Variants in ZFPM2 observed in about 807,000 individuals in gnomAD.
ZFPM2 encodes the protein zinc finger protein, FOG family member 2.
A neutral mutation model predicts 98.6 loss-of-function variants in ZFPM2; 20 were observed. That is an observed-to-expected ratio of 0.20 (90% CI 0.14 to 0.29). The LOEUF (loss-of-function observed/expected upper bound fraction) is 0.29. Ranked by LOEUF, ZFPM2 falls within the 10% of genes least tolerant of loss-of-function variation. ZFPM2 has a pLI of 1.00. For missense variants in ZFPM2, 1,310 were observed against 1,388.6 expected (o/e 0.94, Z 0.90); for synonymous variants, 518 against 502.7 (o/e 1.03, Z -0.41).
intron 4 of ZFPM2, among the ~76,000 whole-genome samples, chr8:105,626,931 A>ACTTCTT (rs1208198493): frequency 1.0e-5 from 1 of 96,726 alleles, no homozygotes; most frequent in African/African-American, 3.6e-5. Flanking sequence ...ATCAAATAAC[A>ACTTCTT]CTTCTGTTAA....
chr8:105,504,616 A>G (rs1376053929), intron 3 of ZFPM2, among the ~76,000 whole-genome samples: 1 of 152,238 alleles, frequency 6.6e-6, no homozygotes, highest in African/African-American at 2.4e-5. Context: ...ATGTGGCTAT[A>G]ACATGCAGAC....
intron 2 of ZFPM2, among the ~76,000 whole-genome samples, chr8:105,422,818 A>G (rs1811830906): frequency 6.6e-6 from 1 of 152,228 alleles, no homozygotes; most frequent in Non-Finnish European, 1.5e-5. Flanking sequence ...GTCATATTTT[A>G]GCAACTGCAT....
At chr8:105,422,482 A>G (rs577854362) in intron 2 of ZFPM2, among the ~76,000 whole-genome samples, 1 of 152,238 alleles carries the variant, frequency 6.6e-6, no homozygotes, top group South Asian at 2.1e-4. Flanking sequence ...GGGTTCATTA[A>G]TGAAACTTTT....
At chr8:105,635,087 TC>T (rs1216675285) in intron 5 of ZFPM2, among the ~76,000 whole-genome samples, 3 of 152,198 alleles carry the variant, frequency 2.0e-5, no homozygotes, top group Non-Finnish European at 4.4e-5. Context: ...CAAGTCTTGG[TC>T]CTAGCTCTGT....
chr8:105,340,155 CTCTA>C (rs1206571050), intron 1 of ZFPM2, among the ~76,000 whole-genome samples: 1 of 151,796 alleles, frequency 6.6e-6, no homozygotes, highest in African/African-American at 2.4e-5. Context: ...TGAGAAACAC[CTCTA>C]GCCTTTTAGA....
chr8:105,530,088 A>C (rs1814263811), intron 3 of ZFPM2, among the ~76,000 whole-genome samples: 1 of 152,160 alleles, frequency 6.6e-6, no homozygotes, highest in South Asian at 2.1e-4. Context: ...ACATTCTTAA[A>C]TCTGATTAAA....
intron 5 of ZFPM2, among the ~76,000 whole-genome samples, chr8:105,732,980 T>C (rs1406765408): frequency 1.3e-5 from 2 of 151,874 alleles, no homozygotes; most frequent in African/African-American, 2.4e-5. Context: ...GAATATAAAA[T>C]AAAGATGTAA....
intron 7 of ZFPM2, among the ~76,000 whole-genome samples, chr8:105,799,990 T>TATAG (rs1380997513): frequency 9.2e-5 from 14 of 152,162 alleles, no homozygotes; most frequent in Non-Finnish European, 1.9e-4. Flanking sequence ...GCTATCTTCA[T>TATAG]ATAGATAATA....
chr8:105,349,401 G>A (rs1269679858), intron 1 of ZFPM2, among the ~76,000 whole-genome samples: 1 of 152,090 alleles, frequency 6.6e-6, no homozygotes, highest in African/African-American at 2.4e-5. Flanking sequence ...CAAAGAAAGT[G>A]ACAACAAAAC....
intron 1 of ZFPM2, among the ~76,000 whole-genome samples, chr8:105,365,067 C>T (rs1007121126): frequency 2.0e-5 from 3 of 152,158 alleles, no homozygotes; most frequent in African/African-American, 7.2e-5. Flanking sequence ...ATAAGACCAG[C>T]TTGGTTCATA....
intron 5 of ZFPM2, among the ~76,000 whole-genome samples, chr8:105,688,816 A>G (rs555003738): frequency 8.7e-4 from 132 of 152,292 alleles, no homozygotes; most frequent in African/African-American, 3.0e-3. Flanking sequence ...TCTATCATGT[A>G]CTTAGCAAAT....
chr8:105,603,290 G>A (rs1816130698), intron 4 of ZFPM2, among the ~76,000 whole-genome samples: 1 of 152,048 alleles, frequency 6.6e-6, no homozygotes, highest in African/African-American at 2.4e-5. Flanking sequence ...ATACTCAAAT[G>A]TTTCGTCGCT....
chr8:105,509,409 A>G (rs1417223677), intron 3 of ZFPM2, among the ~76,000 whole-genome samples: 1 of 151,984 alleles, frequency 6.6e-6, no homozygotes, highest in Non-Finnish European at 1.5e-5. Flanking sequence ...GTAGCTGTTG[A>G]CCTTTCACCC....
At chr8:105,529,253 T>C (rs559261434) in intron 3 of ZFPM2, among the ~76,000 whole-genome samples, 1 of 152,202 alleles carries the variant, frequency 6.6e-6, no homozygotes, top group East Asian at 1.9e-4. Context: ...AGATATTACT[T>C]GATTTTACCT....
At chr8:105,756,345 C>G (rs558188674) in intron 5 of ZFPM2, among the ~76,000 whole-genome samples, 1 of 152,296 alleles carries the variant, frequency 6.6e-6, no homozygotes, top group South Asian at 2.1e-4. Context: ...GTAGGTGGCT[C>G]TAAATTGCTT....
intron 5 of ZFPM2, among the ~76,000 whole-genome samples, chr8:105,768,108 T>TC (rs1812895799): frequency 7.5e-6 from 1 of 132,856 alleles, no homozygotes; most frequent in Non-Finnish European, 1.6e-5. Flanking sequence ...CTCTCTCTCT[T>TC]TCTCTCTCTC....
At chr8:105,334,229 G>T (rs1200580381) in intron 1 of ZFPM2, among the ~76,000 whole-genome samples, 1 of 150,640 alleles carries the variant, frequency 6.6e-6, no homozygotes, top group Non-Finnish European at 1.5e-5. Flanking sequence ...TCAATTATTT[G>T]TCTTCCCTTA....
intron 6 of ZFPM2, among the ~76,000 whole-genome samples, chr8:105,793,020 G>A (rs1464019944): frequency 5.9e-5 from 9 of 151,808 alleles, no homozygotes; most frequent in Non-Finnish European, 1.3e-4. Flanking sequence ...ACACACTGAT[G>A]AGTCTTGACT....
At chr8:105,739,945 A>C (rs1241648923) in intron 5 of ZFPM2, among the ~76,000 whole-genome samples, 2 of 151,326 alleles carry the variant, frequency 1.3e-5, no homozygotes, top group African/African-American at 4.9e-5. Flanking sequence ...CTTCCTTAAA[A>C]CCCCCCTTTT....
Sources: gnomAD v4.1 joint callset for allele counts (sites outside exome capture counted in the v4.1 genomes callset) on GRCh38, gnomAD v4.1.1 for gene constraint, MANE v1.5 for transcripts, NCBI Gene and HGNC (gene_info 2026-07-23, HGNC 2026-07-21) for gene names.